CHCHD6: variants seen among roughly 807,000 people sequenced by gnomAD.
The protein encoded by CHCHD6 is coiled-coil-helix-coiled-coil-helix domain containing 6, also known as MICOS complex subunit MIC25.
In CHCHD6, 28 loss-of-function variants were observed where a neutral mutation model predicts 32.3. The observed-to-expected ratio is 0.87, with a 90% CI of 0.64 to 1.19. CHCHD6 has a LOEUF of 1.19. CHCHD6 is among the 50% of genes most tolerant of loss of function. CHCHD6 has a pLI of 0.00. For missense variants in CHCHD6, 333 were observed against 307.0 expected, an observed-to-expected ratio of 1.08 and a Z score of -0.63; for synonymous variants, 122 against 117.5, an observed-to-expected ratio of 1.04 and a Z score of -0.25.
intron 6 of CHCHD6, among the ~76,000 whole-genome samples, chr3:126,941,212 A>T (rs1015587286): frequency 6.6e-6 from 1 of 152,218 alleles, no homozygotes; most frequent in East Asian, 1.9e-4. Context: ...TAGGAGTAAG[A>T]TGTGAACGAA....
intron 4 of CHCHD6, among the ~76,000 whole-genome samples, chr3:126,813,564 A>G (rs1939751080): frequency 6.6e-6 from 1 of 152,250 alleles, no homozygotes; most frequent in Admixed American, 6.5e-5. Flanking sequence ...TCCTTGAGTC[A>G]TCACAAACAC....
intron 4 of CHCHD6, among the ~76,000 whole-genome samples, chr3:126,763,663 T>G (rs1008201200): frequency 4.6e-5 from 7 of 152,152 alleles, no homozygotes; most frequent in Non-Finnish European, 1.0e-4. Context: ...GCGTATATTC[T>G]TCAGATACTT....
chr3:126,910,293 A>AAAAAAAACAAAAAAAAAAAAACAAAAAC, intron 5 of CHCHD6, among the ~76,000 whole-genome samples: 1 of 151,990 alleles, frequency 6.6e-6, no homozygotes, highest in Non-Finnish European at 1.5e-5. Context: ...AAAACAAAAA[A>AAAAAAAACAAAAAAAAAAAAACAAAAAC]AACAAATCTT....
At chr3:126,903,719 C>T (rs1001346427) in intron 5 of CHCHD6, among the ~76,000 whole-genome samples, 1 of 152,222 alleles carries the variant, frequency 6.6e-6, no homozygotes, top group African/African-American at 2.4e-5. Flanking sequence ...CTCCCACACC[C>T]TGCCAGTGGA....
intron 4 of CHCHD6, among the ~76,000 whole-genome samples, chr3:126,796,493 G>A (rs1029702184): frequency 6.6e-6 from 1 of 152,082 alleles, no homozygotes; most frequent in Admixed American, 6.5e-5. Context: ...ATCTTCTTGG[G>A]GAACATTTAT....
At chr3:126,761,135 A>G (rs1937146867) in intron 4 of CHCHD6, among the ~76,000 whole-genome samples, 1 of 152,228 alleles carries the variant, frequency 6.6e-6, no homozygotes, top group African/African-American at 2.4e-5. Context: ...TTGCCAATAT[A>G]TATATACGCA....
intron 1 of CHCHD6, among the ~76,000 whole-genome samples, chr3:126,716,252 C>T (rs1935009574): frequency 6.6e-6 from 1 of 152,264 alleles, no homozygotes; most frequent in African/African-American, 2.4e-5. Context: ...CCCTGCCAGA[C>T]TGAGCCGTGG....
At chr3:126,769,669 A>AT (rs1013258898) in intron 4 of CHCHD6, among the ~76,000 whole-genome samples, 1 of 151,544 alleles carries the variant, frequency 6.6e-6, no homozygotes, top group Non-Finnish European at 1.5e-5. Context: ...CTCCTGGCTA[A>AT]TTTTTTTTGT....
intron 4 of CHCHD6, among the ~76,000 whole-genome samples, chr3:126,830,112 TTAAA>T (rs1940576606): frequency 6.6e-6 from 1 of 151,954 alleles, no homozygotes; most frequent in African/African-American, 2.4e-5. Context: ...AATAAATAAA[TTAAA>T]TAAATAAATA....
At chr3:126,752,871 A>G (rs1407028744) in intron 4 of CHCHD6, among the ~76,000 whole-genome samples, 1 of 152,124 alleles carries the variant, frequency 6.6e-6, no homozygotes, top group African/African-American at 2.4e-5. Flanking sequence ...AAGGAGAAAT[A>G]TTGGGGTTTT....
chr3:126,827,497 T>C (rs1474594444), intron 4 of CHCHD6, among the ~76,000 whole-genome samples: 1 of 152,182 alleles, frequency 6.6e-6, no homozygotes, highest in Non-Finnish European at 1.5e-5. Context: ...CCAATCAGCC[T>C]TGTGCTGCAG....
At chr3:126,907,227 A>C (rs1347857813) in intron 5 of CHCHD6, among the ~76,000 whole-genome samples, 1 of 152,160 alleles carries the variant, frequency 6.6e-6, no homozygotes, top group Non-Finnish European at 1.5e-5. Flanking sequence ...CAGATCTCTG[A>C]ATCTCTTTAG....
At chr3:126,715,844 A>G (rs961899894) in intron 1 of CHCHD6, among the ~76,000 whole-genome samples, 26 of 152,104 alleles carry the variant, frequency 1.7e-4, no homozygotes, top group African/African-American at 5.8e-4. Context: ...AAGGCCGTGG[A>G]TACAAGTGCA....
chr3:126,789,368 G>C (rs1938402545), intron 4 of CHCHD6, among the ~76,000 whole-genome samples: 2 of 152,126 alleles, frequency 1.3e-5, no homozygotes, highest in Non-Finnish European at 1.5e-5. Flanking sequence ...TTCAATTCCT[G>C]GGTATCCTTG....
intron 4 of CHCHD6, among the ~76,000 whole-genome samples, chr3:126,788,513 G>T (rs570321948): frequency 1.3e-5 from 2 of 152,112 alleles, no homozygotes; most frequent in Non-Finnish European, 2.9e-5. Flanking sequence ...GCCTGTTATT[G>T]GTCTATTCAG....
At chr3:126,865,947 G>T (rs1453228112) in intron 5 of CHCHD6, among the ~76,000 whole-genome samples, 2 of 152,178 alleles carry the variant, frequency 1.3e-5, no homozygotes, top group Non-Finnish European at 2.9e-5. Flanking sequence ...TGAATTGGCT[G>T]CACACCTGCG....
intron 4 of CHCHD6, among the ~76,000 whole-genome samples, chr3:126,821,963 A>G (rs1271579587): frequency 6.6e-6 from 1 of 152,178 alleles, no homozygotes; most frequent in Admixed American, 6.5e-5. Context: ...TGTCCTGGAT[A>G]CAAGTTCCTT....
At chr3:126,865,706 T>A (rs1435611746) in intron 5 of CHCHD6, 1 of 985,260 alleles carries the variant, frequency 1.0e-6, no homozygotes, top group African/African-American at 1.7e-5. Flanking sequence ...CATATTACCC[T>A]CTTCCCTGAG....
At chr3:126,828,583 G>T (rs980428640) in intron 4 of CHCHD6, among the ~76,000 whole-genome samples, 1 of 152,230 alleles carries the variant, frequency 6.6e-6, no homozygotes, top group Non-Finnish European at 1.5e-5. Context: ...GATGGGACAG[G>T]ACACCAGTGG....
Sources: allele counts gnomAD v4.1 joint callset (sites outside exome capture counted in the v4.1 genomes callset), GRCh38; gene constraint gnomAD v4.1.1; transcripts MANE v1.5; gene names NCBI Gene and HGNC (gene_info 2026-07-23, HGNC 2026-07-21).